The following CBLB variants were observed in gnomAD, a reference collection of about 807,000 sequenced individuals.
CBLB encodes the protein Cbl proto-oncogene B.
A neutral mutation model predicts 104.9 loss-of-function variants in CBLB; 31 were observed. The ratio of observed to expected loss-of-function variants is 0.30; its 90% CI spans 0.22 to 0.40. The LOEUF is 0.40. Among genes scored for constraint, CBLB ranks in the 10% least tolerant of loss-of-function variants. The pLI is 1.00. For missense variants in CBLB, 1,062 were observed against 1,214.6 expected (o/e 0.87, Z 1.87); for synonymous variants, 440 against 422.6 (o/e 1.04, Z -0.51).
At chr3:105,714,794 C>T (rs2152814149) in intron 10 of CBLB, among the ~76,000 whole-genome samples, 1 of 152,262 alleles carries the variant, frequency 6.6e-6, no homozygotes, top group Non-Finnish European at 1.5e-5. Context: ...AAATGCAATA[C>T]TTAGATGACA....
chr3:105,788,073 T>G (rs978225349), intron 3 of CBLB, among the ~76,000 whole-genome samples: 2 of 152,312 alleles, frequency 1.3e-5, no homozygotes, highest in African/African-American at 4.8e-5. Context: ...TGCTAATATT[T>G]GTAGTAGACG....
At chr3:105,828,318 C>T (rs941526735) in intron 3 of CBLB, among the ~76,000 whole-genome samples, 1 of 152,036 alleles carries the variant, frequency 6.6e-6, no homozygotes, top group Non-Finnish European at 1.5e-5. Flanking sequence ...GGATGGATAA[C>T]AATGGGGAAA....
chr3:105,795,128 G>A (rs2082118505), intron 3 of CBLB, among the ~76,000 whole-genome samples: 1 of 152,024 alleles, frequency 6.6e-6, no homozygotes, highest in African/African-American at 2.4e-5. Flanking sequence ...TGGCCAGGAT[G>A]GTCCAGATCT....
chr3:105,723,759 T>G (rs1173080274), intron 9 of CBLB, among the ~76,000 whole-genome samples: 1 of 152,214 alleles, frequency 6.6e-6, no homozygotes, highest in South Asian at 2.1e-4. Context: ...AGACATACTA[T>G]ATCTTAAATA....
chr3:105,768,062 T>C (rs1202748507), intron 4 of CBLB, among the ~76,000 whole-genome samples: 1 of 152,218 alleles, frequency 6.6e-6, no homozygotes, highest in African/African-American at 2.4e-5. Context: ...AGCCTGTATA[T>C]AAAACATTGT....
intron 3 of CBLB, among the ~76,000 whole-genome samples, chr3:105,791,743 C>A (rs914622062): frequency 6.6e-6 from 1 of 152,200 alleles, no homozygotes. Flanking sequence ...TGGTGTCACA[C>A]ATACATGAAT....
intron 3 of CBLB, among the ~76,000 whole-genome samples, chr3:105,825,786 T>C (rs2086478566): frequency 1.3e-5 from 2 of 152,196 alleles, no homozygotes; most frequent in Non-Finnish European, 2.9e-5. Flanking sequence ...GATGAAAACA[T>C]ATAAAGGCTT....
intron 3 of CBLB, among the ~76,000 whole-genome samples, chr3:105,818,020 T>G (rs1294145262): frequency 6.6e-6 from 1 of 152,224 alleles, no homozygotes; most frequent in Non-Finnish European, 1.5e-5. Context: ...TATATTATCT[T>G]GTTTAAAATT....
At chr3:105,659,335 T>C (rs2063560273) in intron 18 of CBLB, 106 bp from the exon 19 acceptor site, 2 of 1,210,080 alleles carry the variant, frequency 1.7e-6, no homozygotes, top group East Asian at 4.8e-5. Flanking sequence ...TTATTTCTTG[T>C]TTTCTTTACA....
At chr3:105,761,566 C>A (rs2077634559) in intron 4 of CBLB, among the ~76,000 whole-genome samples, 1 of 152,198 alleles carries the variant, frequency 6.6e-6, no homozygotes, top group Non-Finnish European at 1.5e-5. Flanking sequence ...CTCTTCTCTG[C>A]TGCCATGTAA....
chr3:105,824,600 T>A (rs1037012108), intron 3 of CBLB, among the ~76,000 whole-genome samples: 26 of 152,112 alleles, frequency 1.7e-4, no homozygotes, highest in Non-Finnish European at 2.2e-4. Context: ...CTTTGTGCCC[T>A]TCCCTGATGC....
intron 10 of CBLB, among the ~76,000 whole-genome samples, chr3:105,708,302 T>C (rs948078798): frequency 1.3e-5 from 2 of 152,110 alleles, no homozygotes; most frequent in African/African-American, 4.8e-5. Flanking sequence ...CTGTGAACTG[T>C]GCTAATTATC....
chr3:105,697,188 T>A (rs781682635), intron 12 of CBLB, among the ~76,000 whole-genome samples: 3 of 151,920 alleles, frequency 2.0e-5, no homozygotes, highest in Non-Finnish European at 4.4e-5. Context: ...AATTAGGTAA[T>A]GAGGTTGAAG....
At chr3:105,745,824 A>G in intron 6 of CBLB, 93 bp downstream of exon 6, 1 of 1,141,416 alleles carries the variant, frequency 8.8e-7, no homozygotes, top group South Asian at 1.2e-5. Context: ...CAAGCATGCC[A>G]TCAGCGGGTA....
chr3:105,784,585 G>C (rs2080732131), intron 3 of CBLB, among the ~76,000 whole-genome samples: 2 of 152,128 alleles, frequency 1.3e-5, no homozygotes, highest in Non-Finnish European at 2.9e-5. Flanking sequence ...AAACAGTGAA[G>C]TGGCAATCTG....
intron 3 of CBLB, among the ~76,000 whole-genome samples, chr3:105,795,672 T>G (rs2082177036): frequency 6.6e-6 from 1 of 152,182 alleles, no homozygotes; most frequent in Non-Finnish European, 1.5e-5. Flanking sequence ...GAGGCTAATA[T>G]CAGAAAGTTG....
At position 105,656,232 on chromosome 3, in the gene CBLB, C is replaced by T; in HGVS notation, c.*2738G>A. ...GGGTGAGAAGGGTTGATATTGGCCA[C>T]ATATCAGTAAGTTAATTTGTCTTAA... On this transcript the variant is annotated 3_prime_UTR_variant, in exon 19 of 19. Transcript: ENST00000394030. 1 of 214,308 alleles carries T rather than the reference C, an allele frequency of 4.7e-6. No individual in the cohort carries two copies. Among genetic ancestry groups the T allele is most frequent in the Non-Finnish European group, 9.4e-6 (1 of 106,046 alleles). 13.3% of individuals were successfully genotyped at this position (214,308 alleles called of 1,614,324 possible).
At chr3:105,711,314 T>C (rs998322307) in intron 10 of CBLB, among the ~76,000 whole-genome samples, 1 of 147,360 alleles carries the variant, frequency 6.8e-6, no homozygotes. Flanking sequence ...TTTCTATAAA[T>C]GCGTGAAAAT....
chr3:105,736,466 G>A (rs1409339941), intron 8 of CBLB, among the ~76,000 whole-genome samples: 1 of 152,144 alleles, frequency 6.6e-6, no homozygotes, highest in African/African-American at 2.4e-5. Flanking sequence ...GTTCCCATGT[G>A]AGTATGTAGA....
Sources: allele counts gnomAD v4.1 joint callset (sites outside exome capture counted in the v4.1 genomes callset), GRCh38; gene constraint gnomAD v4.1.1; transcripts MANE v1.5; gene names NCBI Gene and HGNC (gene_info 2026-07-23, HGNC 2026-07-21).